PDE4D: variants seen among roughly 807,000 people sequenced by gnomAD.
PDE4D encodes 3',5'-cyclic-AMP phosphodiesterase 4D.
In PDE4D, 24 loss-of-function variants were observed where a neutral mutation model predicts 87.4. The ratio of observed to expected loss-of-function variants is 0.27; its 90% CI spans 0.20 to 0.39. The LOEUF is 0.39. Ranked by LOEUF, PDE4D falls within the 10% of genes least tolerant of loss-of-function variation. PDE4D has a pLI of 1.00. For synonymous variants in PDE4D, 384 were observed against 383.2 expected, an observed-to-expected ratio of 1.00 and a Z score of -0.02; for missense variants, 714 against 1,041.0, an observed-to-expected ratio of 0.69 and a Z score of 4.32.
chr5:59,548,864 C>T lies in PDE4D; in HGVS notation c.456-332896G>A, dbSNP rs1333024161. Among the ~76,000 whole-genome samples, 5 of 152,080 alleles carry T rather than the reference C, an allele frequency of 3.3e-5. 1 individual carries two copies. Among genetic ancestry groups the T allele is most frequent in the African/African-American group, 1.2e-4 (5 of 41,404 alleles). ...TTACACAAGAGAGAAACTCCCATGA[C>T]ACCCCACTAGAACTTTTTTCTGCTA... On this transcript the variant is annotated intron_variant, in intron 1 of 14. Coordinates refer to ENST00000340635, the MANE Select transcript of PDE4D (RefSeq NM_001104631.2).
At chr5:60,309,742 A>G (rs1234233176) in intron 1 of PDE4D, among the ~76,000 whole-genome samples, 1 of 152,214 alleles carries the variant, frequency 6.6e-6, no homozygotes, top group African/African-American at 2.4e-5. Flanking sequence ...ATATGCTGAA[A>G]TGGCACAACA....
chr5:59,420,988 CGTAT>C (rs1338433615), intron 1 of PDE4D, among the ~76,000 whole-genome samples: 2 of 152,034 alleles, frequency 1.3e-5, no homozygotes, highest in Non-Finnish European at 2.9e-5. Context: ...CCTCCGTACG[CGTAT>C]GTGTTTGTGT....
chr5:60,016,580 G>A (rs1765544386), intron 2 of PDE4D, among the ~76,000 whole-genome samples: 1 of 152,162 alleles, frequency 6.6e-6, no homozygotes, highest in African/African-American at 2.4e-5. Context: ...CCCTGCCACT[G>A]CTTTATCAAG....
chr5:59,893,824 C>A (rs1751339808), upstream of PDE4D: 7 of 1,323,820 alleles, frequency 5.3e-6, no homozygotes, highest in African/African-American at 4.7e-5. Context: ...TCACAGAACG[C>A]GGCAGGGCTC....
At chr5:59,498,967 A>G (rs1031367601) in intron 1 of PDE4D, among the ~76,000 whole-genome samples, 2 of 152,182 alleles carry the variant, frequency 1.3e-5, no homozygotes. Flanking sequence ...ACTACAGAAT[A>G]TGCATTCTTC....
intron 1 of PDE4D, among the ~76,000 whole-genome samples, chr5:59,420,958 T>A (rs1278045575): frequency 6.6e-6 from 1 of 152,198 alleles, no homozygotes; most frequent in South Asian, 2.1e-4. Flanking sequence ...TAATTTATTA[T>A]CGCACAACTG....
chr5:60,228,410 G>T (rs1208637229), intron 1 of PDE4D, among the ~76,000 whole-genome samples: 1 of 152,044 alleles, frequency 6.6e-6, no homozygotes, highest in Non-Finnish European at 1.5e-5. Flanking sequence ...CAGAGTATAT[G>T]GGTAACTAGT....
At chr5:59,208,001 T>TG (rs1749186347) in intron 2 of PDE4D, among the ~76,000 whole-genome samples, 2 of 143,808 alleles carry the variant, frequency 1.4e-5, no homozygotes, top group African/African-American at 5.1e-5. Context: ...CTACTAAAAG[T>TG]AAAAAAAAAA....
At chr5:59,753,861 T>C (rs1010452916) in intron 1 of PDE4D, among the ~76,000 whole-genome samples, 1 of 152,230 alleles carries the variant, frequency 6.6e-6, no homozygotes, top group East Asian at 1.9e-4. Context: ...TTTGTGTATG[T>C]ACGTGTTCAT....
intron 2 of PDE4D, among the ~76,000 whole-genome samples, chr5:60,111,953 G>A (rs1777732172): frequency 6.6e-6 from 1 of 151,824 alleles, no homozygotes; most frequent in Admixed American, 6.6e-5. Context: ...AACCTTAACA[G>A]TTATTTAATT....
At chr5:59,378,977 T>C (rs1355161870) in intron 1 of PDE4D, among the ~76,000 whole-genome samples, 1 of 77,958 alleles carries the variant, frequency 1.3e-5, no homozygotes, top group Non-Finnish European at 2.5e-5. Context: ...CACGTGTGTG[T>C]GTTTGTGTGT....
In PDE4D at chr5:59,754,797, A is replaced by ATTTTTTTTTTTTTT. The variant is rs754869518; in HGVS notation, c.455+138357_455+138370dup. Among the ~76,000 whole-genome samples the ATTTTTTTTTTTTTT allele has an allele frequency of 1.7e-4, 16 of 96,870 alleles. 5 individuals are homozygous for ATTTTTTTTTTTTTT. The highest frequency in any genetic ancestry group is 1.4e-4 in the Non-Finnish European group (7 of 49,874). 63.6% of individuals were successfully genotyped at this position (96,870 alleles called of 152,430 possible). On this transcript the variant is annotated intron_variant, in intron 1 of 14. Coordinates refer to ENST00000340635, the MANE Select transcript of PDE4D (RefSeq NM_001104631.2). ...GCAGGTACAGAATTTTCCACAGAACATTTTTTTTTTTTTTTTTTTTTTTTT... is the reference window on the plus strand; with the variant it reads ...GCAGGTACAGAATTTTCCACAGAACATTTTTTTTTTTTTTTTTTTTTTTTTTTTTTTTTTTTTTT...
intron 2 of PDE4D, among the ~76,000 whole-genome samples, chr5:60,125,786 C>T (rs1186854126): frequency 1.3e-5 from 2 of 152,180 alleles, no homozygotes; most frequent in Non-Finnish European, 2.9e-5. Context: ...ATTAAGGAAT[C>T]ATCTAGTTTA....
At chr5:59,286,828 G>GA (rs1200210991) in intron 1 of PDE4D, among the ~76,000 whole-genome samples, 2 of 152,038 alleles carry the variant, frequency 1.3e-5, no homozygotes, top group African/African-American at 2.4e-5. Flanking sequence ...GTAACTTTTG[G>GA]AAAAAATGCA....
chr5:59,290,026 A>G (rs1767715035), intron 1 of PDE4D, among the ~76,000 whole-genome samples: 1 of 152,104 alleles, frequency 6.6e-6, no homozygotes, highest in African/African-American at 2.4e-5. Flanking sequence ...AAGAGAACAC[A>G]AAAAAATGGA....
chr5:60,281,242 G>A (rs1202350005), intron 1 of PDE4D, among the ~76,000 whole-genome samples: 1 of 152,062 alleles, frequency 6.6e-6, no homozygotes, highest in South Asian at 2.1e-4. Flanking sequence ...AGAATTCCCT[G>A]TTAGATACTT....
Position 59,651,258 on chromosome 5 carries a change from CAATAATAATAAT to C in PDE4D, c.455+241898_455+241909del, listed in dbSNP as rs59177482. On this transcript the variant is annotated intron_variant, in intron 1 of 14. Coordinates refer to ENST00000340635, the MANE Select transcript of PDE4D (RefSeq NM_001104631.2). ...GCAACAGAGTGAGACTCTGTCTCAA[CAATAATAATAAT>C]AATAATAATAATAATAATAATAATA... Among the ~76,000 whole-genome samples the C allele has an allele frequency of 5.5e-3, 782 of 142,246 alleles. 5 individuals are homozygous for C. Among genetic ancestry groups the C allele is most frequent in the African/African-American group, 0.018 (691 of 38,404 alleles). 93.3% of individuals were successfully genotyped at this position (142,246 alleles called of 152,430 possible).
intron 1 of PDE4D, among the ~76,000 whole-genome samples, chr5:59,498,952 C>A (rs1807740908): frequency 6.6e-6 from 1 of 152,014 alleles, no homozygotes; most frequent in Admixed American, 6.6e-5. Flanking sequence ...ATACTCCACC[C>A]AACAACTACA....
chr5:60,277,189 G>T (rs891469621), intron 1 of PDE4D, among the ~76,000 whole-genome samples: 1 of 151,928 alleles, frequency 6.6e-6, no homozygotes, highest in Non-Finnish European at 1.5e-5. Flanking sequence ...GGGGAAAAGC[G>T]GATTTTCCTC....
Sources: gnomAD v4.1 joint callset for allele counts (sites outside exome capture counted in the v4.1 genomes callset) on GRCh38, gnomAD v4.1.1 for gene constraint, MANE v1.5 for transcripts, NCBI Gene and HGNC (gene_info 2026-07-23, HGNC 2026-07-21) for gene names.